NHSL2: variants seen among roughly 807,000 people sequenced by gnomAD.
The protein encoded by NHSL2 is NHS-like protein 2.
A neutral mutation model predicts 53.4 loss-of-function variants in NHSL2; 27 were observed. The observed-to-expected ratio is 0.51, with a 90% CI of 0.37 to 0.70. NHSL2 has a LOEUF of 0.70. Among genes scored for constraint, NHSL2 ranks in the 30% least tolerant of loss-of-function variants. NHSL2 has a pLI of 0.00. For synonymous variants in NHSL2, 408 were observed against 404.1 expected (o/e 1.01, Z -0.12); for missense variants, 892 against 980.1 (o/e 0.91, Z 1.20).
intron 1 of NHSL2, among the ~76,000 whole-genome samples, chrX:72,096,467 C>T (rs1005099305): frequency 8.9e-6 from 1 of 111,891 alleles, no homozygotes; most frequent in Non-Finnish European, 1.9e-5. Context: ...TCCTTCAGTC[C>T]AGAAATCAGC....
At chrX:71,954,808 C>G (rs1385876302) in intron 1 of NHSL2, among the ~76,000 whole-genome samples, 2 of 112,477 alleles carry the variant, frequency 1.8e-5, no homozygotes, top group Non-Finnish European at 3.8e-5. Context: ...CAGGGTTACC[C>G]TAGTGTCCTT....
intron 1 of NHSL2, among the ~76,000 whole-genome samples, chrX:72,124,934 A>G (rs1413713029): frequency 1.8e-5 from 2 of 111,537 alleles, no homozygotes; most frequent in Admixed American, 1.9e-4. Context: ...GGCAAGCCAA[A>G]GGGCTTCTGT....
At chrX:72,026,209 A>T (rs943793897) in intron 1 of NHSL2, among the ~76,000 whole-genome samples, 9 of 112,216 alleles carry the variant, frequency 8.0e-5, no homozygotes, top group Non-Finnish European at 1.5e-4. Flanking sequence ...GTGGCTGCAC[A>T]TTAATATCAC....
intron 1 of NHSL2, among the ~76,000 whole-genome samples, chrX:72,008,474 G>A (rs931964982): frequency 1.8e-5 from 2 of 112,095 alleles, no homozygotes; most frequent in East Asian, 5.6e-4. Flanking sequence ...ATGGAGATGC[G>A]GCTTTGGGGT....
At chrX:71,927,898 G>A (rs1454036332) in intron 1 of NHSL2, among the ~76,000 whole-genome samples, 1 of 111,775 alleles carries the variant, frequency 8.9e-6, no homozygotes, top group Non-Finnish European at 1.9e-5. Context: ...CAAGTAGCCT[G>A]ACATCTCTTT....
intron 1 of NHSL2, among the ~76,000 whole-genome samples, chrX:72,027,051 A>G (rs1374905783): frequency 8.9e-6 from 1 of 112,290 alleles, no homozygotes; most frequent in Non-Finnish European, 1.9e-5. Context: ...TGGTTGGCCT[A>G]TGGTGCCACA....
intron 1 of NHSL2, among the ~76,000 whole-genome samples, chrX:71,969,087 T>C (rs2041913453): frequency 9.0e-6 from 1 of 111,496 alleles, no homozygotes; most frequent in Non-Finnish European, 1.9e-5. Flanking sequence ...TTCACAGGGA[T>C]TGTGTTGAAT....
At chrX:72,058,169 G>A (rs764225482) in intron 1 of NHSL2, among the ~76,000 whole-genome samples, 1 of 112,154 alleles carries the variant, frequency 8.9e-6, no homozygotes, top group Non-Finnish European at 1.9e-5. Context: ...TCAGACTTGA[G>A]TATTTGGTGG....
intron 1 of NHSL2, among the ~76,000 whole-genome samples, chrX:72,054,226 A>G (rs2042355846): frequency 9.0e-6 from 1 of 111,426 alleles, no homozygotes; most frequent in Non-Finnish European, 1.9e-5. Flanking sequence ...GCATATGTCA[A>G]TGACAGGTTC....
intron 1 of NHSL2, among the ~76,000 whole-genome samples, chrX:71,945,192 A>T (rs1385003219): frequency 8.9e-6 from 1 of 112,038 alleles, no homozygotes; most frequent in Non-Finnish European, 1.9e-5. Flanking sequence ...GGCATCCAAT[A>T]CTATTCCTTC....
intron 3 of NHSL2, 129 bp downstream of exon 3, chrX:72,134,347 T>C: frequency 1.2e-6 from 1 of 860,889 alleles, no homozygotes; most frequent in Non-Finnish European, 1.6e-6. Flanking sequence ...GAGGCCCCAC[T>C]GGGATAGGCC....
At chrX:71,985,433 A>T (rs1326952392) in intron 1 of NHSL2, among the ~76,000 whole-genome samples, 1 of 112,396 alleles carries the variant, frequency 8.9e-6, no homozygotes, top group Admixed American at 9.4e-5. Context: ...TAAAATAACC[A>T]GTTTCTCAAA....
chrX:71,951,005 TAC>T (rs10527333), intron 1 of NHSL2, among the ~76,000 whole-genome samples: 142 of 89,740 alleles, frequency 1.6e-3, no homozygotes, highest in East Asian at 6.7e-3. Context: ...AAATACAAAA[TAC>T]ACACACACAC....
At chrX:72,066,994 T>A (rs890050709) in intron 1 of NHSL2, among the ~76,000 whole-genome samples, 8 of 110,251 alleles carry the variant, frequency 7.3e-5, no homozygotes, top group Non-Finnish European at 1.5e-4. Flanking sequence ...ATAAGGAAAA[T>A]TAGCTGGGAG....
At chrX:71,933,266 T>C (rs1365860785) in intron 1 of NHSL2, among the ~76,000 whole-genome samples, 1 of 111,994 alleles carries the variant, frequency 8.9e-6, no homozygotes, top group East Asian at 2.8e-4. Context: ...TCTCTACTGT[T>C]AGAGACAAGG....
chrX:72,012,472 C>G (rs1450796347), intron 1 of NHSL2, among the ~76,000 whole-genome samples: 1 of 112,354 alleles, frequency 8.9e-6, no homozygotes, highest in African/African-American at 3.2e-5. Flanking sequence ...TTGTCTAGTC[C>G]CGCTTCTGCG....
intron 1 of NHSL2, among the ~76,000 whole-genome samples, chrX:72,034,660 T>C (rs1476240276): frequency 8.9e-6 from 1 of 112,035 alleles, no homozygotes. Context: ...CTTTGGTAGT[T>C]TGTGGTTTTG....
intron 1 of NHSL2, among the ~76,000 whole-genome samples, chrX:72,035,547 C>T (rs895788265): frequency 1.6e-4 from 18 of 110,845 alleles, no homozygotes; most frequent in African/African-American, 5.6e-4. Context: ...TTTTTTGACA[C>T]GGAGTTTCGC....
At chrX:72,098,686 A>T (rs1362283705) in intron 1 of NHSL2, among the ~76,000 whole-genome samples, 4 of 111,668 alleles carry the variant, frequency 3.6e-5, no homozygotes, top group African/African-American at 1.3e-4. Flanking sequence ...GATTTTTAAA[A>T]TTTTATTTTA....
Sources: allele counts gnomAD v4.1 joint callset (sites outside exome capture counted in the v4.1 genomes callset), GRCh38; gene constraint gnomAD v4.1.1; transcripts MANE v1.5; gene names NCBI Gene and HGNC (gene_info 2026-07-23, HGNC 2026-07-21).